The following TJP1 variants were observed in gnomAD, a reference collection of about 807,000 sequenced individuals.
TJP1 encodes the protein tight junction protein 1, also known as tight junction protein ZO-1.
TJP1 carries 43 observed loss-of-function variants against 194.2 expected under a neutral mutation model. The ratio of observed to expected loss-of-function variants is 0.22; its 90% CI spans 0.17 to 0.29. TJP1 has a LOEUF of 0.29. Ranked by LOEUF, TJP1 falls within the 10% of genes least tolerant of loss-of-function variation. The pLI, the probability that TJP1 is intolerant of heterozygous loss-of-function variation, is 1.00. For missense variants in TJP1, 1,971 were observed against 2,185.7 expected (o/e 0.90, Z 1.96); for synonymous variants, 801 against 779.0 (o/e 1.03, Z -0.47).
At chr15:29,757,275 G>A (rs564058894) in intron 8 of TJP1, among the ~76,000 whole-genome samples, 4 of 152,310 alleles carry the variant, frequency 2.6e-5, no homozygotes, top group African/African-American at 9.6e-5. Context: ...AATCTAGGAA[G>A]AGAACAGGGC....
chr15:29,814,918 T>C (rs567079785), intron 1 of TJP1, among the ~76,000 whole-genome samples: 44 of 152,330 alleles, frequency 2.9e-4, no homozygotes, highest in African/African-American at 9.1e-4. Flanking sequence ...GCACTACATA[T>C]ATGACAGGGT....
intron 1 of TJP1, among the ~76,000 whole-genome samples, chr15:29,819,317 ATT>A (rs1407513851): frequency 1.3e-5 from 2 of 152,110 alleles, no homozygotes; most frequent in Non-Finnish European, 2.9e-5. Flanking sequence ...TTTACCACAT[ATT>A]CGTAGTTTTC....
intron 2 of TJP1, among the ~76,000 whole-genome samples, chr15:29,952,162 C>T (rs1298396874): frequency 6.6e-6 from 1 of 152,168 alleles, no homozygotes; most frequent in Admixed American, 6.5e-5. Context: ...AAAAAAAGAA[C>T]CTGCCATCTG....
rs192691615 is a variant in TJP1 at position 29,807,467 on chromosome 15, A to G, written c.28-6765T>C. ...TTCTAAAGGTTGAAGATAGATACAAAGATCTCTCACAATTTATTCAGGTAG... is the reference window on the plus strand; with the variant it reads ...TTCTAAAGGTTGAAGATAGATACAAGGATCTCTCACAATTTATTCAGGTAG... On this transcript the variant is annotated intron_variant, in intron 1 of 27. Transcript: ENST00000614355. 5.9e-5 allele frequency among the ~76,000 whole-genome samples: 9 copies of G among 152,362 alleles called. No homozygotes were observed. The East Asian group carries it at 1.5e-3, about 26-fold the overall frequency.
intron 2 of TJP1, among the ~76,000 whole-genome samples, chr15:29,939,759 C>CAAA (rs1454550368): frequency 1.3e-5 from 2 of 152,004 alleles, no homozygotes; most frequent in African/African-American, 4.8e-5. Flanking sequence ...AGTGCCCTTA[C>CAAA]AAAAAAGGCC....
intron 2 of TJP1, among the ~76,000 whole-genome samples, chr15:29,798,672 G>C (rs2048576543): frequency 6.6e-6 from 1 of 152,072 alleles, no homozygotes; most frequent in Non-Finnish European, 1.5e-5. Flanking sequence ...CTTTTCCTAA[G>C]TATTTACCCA....
At chr15:29,919,872 A>G (rs914855853) in intron 2 of TJP1, among the ~76,000 whole-genome samples, 1 of 133,446 alleles carries the variant, frequency 7.5e-6, no homozygotes, top group Non-Finnish European at 1.6e-5. Flanking sequence ...CTGGGGCCCT[A>G]TTGGGCCAGT....
intron 2 of TJP1, among the ~76,000 whole-genome samples, chr15:29,903,200 A>T (rs2053688416): frequency 6.6e-6 from 1 of 152,066 alleles, no homozygotes; most frequent in South Asian, 2.1e-4. Context: ...AAACTTTCCA[A>T]CTGATCTATG....
chr15:29,786,458 A>G (rs1260531277), intron 2 of TJP1, among the ~76,000 whole-genome samples: 1 of 152,116 alleles, frequency 6.6e-6, no homozygotes, highest in African/African-American at 2.4e-5. Context: ...TGTTTAGTTT[A>G]TGTGAATTAC....
At chr15:29,773,613 A>G (rs2046830251) in intron 2 of TJP1, among the ~76,000 whole-genome samples, 1 of 152,212 alleles carries the variant, frequency 6.6e-6, no homozygotes, top group Non-Finnish European at 1.5e-5. Flanking sequence ...GACAATTAAA[A>G]ATTATTAACA....
chr15:29,757,632 A>C (rs1170366774), intron 8 of TJP1, among the ~76,000 whole-genome samples: 1 of 152,210 alleles, frequency 6.6e-6, no homozygotes, highest in South Asian at 2.1e-4. Context: ...TCTTGTCTGT[A>C]GGCAGATTAC....
At chr15:29,734,445 G>T in intron 11 of TJP1, 63 bp from the exon 12 acceptor site, 1 of 1,197,286 alleles carries the variant, frequency 8.4e-7, no homozygotes, top group Non-Finnish European at 1.2e-6. Context: ...AACATACGCA[G>T]GACACAGATA....
At position 29,732,711 on chromosome 15, in the gene TJP1, A is replaced by G; in HGVS notation, c.1841T>C (p.Leu614Pro). The change falls in exon 14 of 28, where the codon CTT (leucine) becomes CCT (proline). Residue 614 changes from leucine to proline, a missense_variant. This residue lies in a region of TJP1 where 402 missense variants were observed against 484.2 expected (regional missense o/e 0.83). Coordinates refer to ENST00000614355, the MANE Select transcript of TJP1 (RefSeq NM_001330239.4). ...GGACAAATCCTCTCTGCTTTTTCGA[A>G]GATTTCTCTTGGAGCTGCGAAGACC... The part of the protein sequence containing the change: ...FRGLRSSKRN[L>P]RKSREDLSAQ... The G allele has an allele frequency of 1.9e-6, 3 of 1,614,194 alleles. No individual in the cohort carries two copies. The highest frequency in any genetic ancestry group is 2.5e-6 in the Non-Finnish European group (3 of 1,180,032).
rs755002622 is a variant in TJP1, at chr15:29,718,950, T to C, written c.3192A>G (p.Ser1064=). The C allele has an allele frequency of 8.7e-6, 14 of 1,614,178 alleles. No homozygotes were observed. In the East Asian group the frequency reaches 1.1e-4, roughly 13 times the overall value. ...LEQPTYRYES[S]SYTDQFSRNY... ...TTCGAGAAAACTGGTCCGTATAGCT[T>C]GAGGACTCGTATCTGTATGTGGGCT... The change falls in exon 21 of 28, where the codon TCA becomes TCG. Residue 1064 remains serine, a synonymous_variant. Transcript: ENST00000614355.
intron 1 of TJP1, among the ~76,000 whole-genome samples, chr15:29,961,746 A>C (rs2056172932): frequency 6.6e-6 from 1 of 152,116 alleles, no homozygotes; most frequent in Admixed American, 6.6e-5. Context: ...TGACACTGCT[A>C]GAACAGGTCT....
chr15:29,915,475 T>C (rs1486878585), intron 2 of TJP1, among the ~76,000 whole-genome samples: 1 of 152,184 alleles, frequency 6.6e-6, no homozygotes, highest in East Asian at 1.9e-4. Context: ...AACTGGAAAA[T>C]CATTGCTCTG....
chr15:29,826,508 A>C (rs1018900797), upstream of TJP1, among the ~76,000 whole-genome samples: 2 of 152,196 alleles, frequency 1.3e-5, no homozygotes, highest in African/African-American at 4.8e-5. Flanking sequence ...TAGAGAAAAC[A>C]GACATTAAGG....
At position 29,943,192 on chromosome 15, in the gene TJP1, A is replaced by G. The variant is rs190144038; in HGVS notation, c.306+13040T>C. The stretch of plus-strand genomic sequence containing the variant: ...GAGCGGGTGGGCATCCTCTTTTGAC[A>G]TAAAAGATGATGGAGAAGGTCTTTT... On this transcript the variant is annotated intron_variant, in intron 2 of 28. Transcript: ENST00000356107. 3.8e-3 allele frequency among the ~76,000 whole-genome samples: 572 copies of G among 152,344 alleles called. 15 individuals carry two copies. Among genetic ancestry groups the G allele is most frequent in the Non-Finnish European group, 8.1e-4 (55 of 68,036 alleles).
chr15:29,919,080 G>C (rs2152244467), intron 2 of TJP1, among the ~76,000 whole-genome samples: 1 of 152,296 alleles, frequency 6.6e-6, no homozygotes, highest in African/African-American at 2.4e-5. Context: ...CAAAAAGCAG[G>C]TCATGCAAAG....
Sources: allele counts gnomAD v4.1 joint callset (sites outside exome capture counted in the v4.1 genomes callset), GRCh38; gene constraint gnomAD v4.1.1; regional missense constraint gnomAD v4.1.1; transcripts MANE v1.5; gene names NCBI Gene and HGNC (gene_info 2026-07-23, HGNC 2026-07-21).